Variants in RAB2A observed in about 807,000 individuals in gnomAD.
RAB2A encodes ras-related protein Rab-2A.
Under a neutral mutation model 32.5 loss-of-function variants are expected in RAB2A, and 7 were observed. The observed-to-expected ratio is 0.22, with a 90% confidence interval of 0.12 to 0.40. RAB2A has a LOEUF of 0.40. Ranked by LOEUF, RAB2A falls within the 10% of genes least tolerant of loss-of-function variation. The pLI, the probability that RAB2A is intolerant of heterozygous loss-of-function variation, is 1.00. For missense variants in RAB2A, 108 were observed against 260.7 expected, an observed-to-expected ratio of 0.41 and a Z score of 4.03; for synonymous variants, 79 against 85.2, an observed-to-expected ratio of 0.93 and a Z score of 0.40.
chr8:60,599,481 C>T (rs1804093602), intron 6 of RAB2A, among the ~76,000 whole-genome samples: 1 of 152,122 alleles, frequency 6.6e-6, no homozygotes, highest in East Asian at 1.9e-4. Context: ...GTAGCTGACA[C>T]AGCTTAGCAA....
intron 6 of RAB2A, among the ~76,000 whole-genome samples, chr8:60,597,936 ACT>A (rs34775678): frequency 0.53 from 80,906 of 151,992 alleles, 24,373 homozygotes; most frequent in African/African-American, 0.83. Context: ...AACTTAGATG[ACT>A]AATAGACCAG....
chr8:60,575,995 A>C (rs183715174), intron 3 of RAB2A, among the ~76,000 whole-genome samples: 4 of 152,134 alleles, frequency 2.6e-5, no homozygotes, highest in South Asian at 4.1e-4. Flanking sequence ...AAATTTAAGG[A>C]GTTTTCCTTG....
chr8:60,569,951 G>A (rs914537876), intron 2 of RAB2A: 36 of 456,066 alleles, frequency 7.9e-5, no homozygotes, highest in African/African-American at 7.2e-4. Context: ...TTGGAATTGG[G>A]CAGGAACAAA....
intron 1 of RAB2A, among the ~76,000 whole-genome samples, chr8:60,523,584 G>A (rs887028288): frequency 6.6e-6 from 1 of 151,852 alleles, no homozygotes; most frequent in African/African-American, 2.4e-5. Context: ...GTATTATTTA[G>A]TTTTGCCCAT....
chr8:60,584,103 T>G (rs1803809823), intron 3 of RAB2A, 105 bp from the exon 4 acceptor site: 1 of 910,718 alleles, frequency 1.1e-6, no homozygotes, highest in Non-Finnish European at 1.8e-6. Context: ...CTTGTCTCTC[T>G]TTATGCACTC....
Position 60,526,929 on chromosome 8 carries a change from A to G in RAB2A, c.46+9676A>G, listed in dbSNP as rs528059172. Among the ~76,000 whole-genome samples, 65 of 148,436 alleles carry G rather than the reference A, an allele frequency of 4.4e-4. 1 individual carries two copies. In the South Asian group the frequency reaches 0.013, roughly 29 times the overall value. Reference sequence around the variant, plus strand: ...GGTTGCAGTGAGCTGAGATGGCACCATTGCACTCCAGCCTGGGCGACAGTG... The same window carrying G: ...GGTTGCAGTGAGCTGAGATGGCACCGTTGCACTCCAGCCTGGGCGACAGTG... On this transcript the variant is annotated intron_variant, in intron 1 of 7. Coordinates refer to ENST00000262646, the MANE Select transcript of RAB2A (RefSeq NM_002865.3).
At chr8:60,536,656 A>C (rs1807563220) in intron 1 of RAB2A, among the ~76,000 whole-genome samples, 1 of 152,212 alleles carries the variant, frequency 6.6e-6, no homozygotes, top group Non-Finnish European at 1.5e-5. Context: ...TATTCTTTTA[A>C]AAACATTTCT....
At chr8:60,534,268 T>A (rs1807525185) in intron 1 of RAB2A, among the ~76,000 whole-genome samples, 1 of 152,184 alleles carries the variant, frequency 6.6e-6, no homozygotes, top group Admixed American at 6.5e-5. Context: ...CGCGGTAATC[T>A]TAGTAGGTAG....
intron 2 of RAB2A, among the ~76,000 whole-genome samples, chr8:60,559,579 TTAAGA>T (rs1330229913): frequency 2.0e-5 from 3 of 152,086 alleles, no homozygotes; most frequent in Non-Finnish European, 4.4e-5. Context: ...AAGGAAAAAA[TTAAGA>T]TGAGTGAAAA....
chr8:60,547,680 G>A (rs79661073), intron 1 of RAB2A, among the ~76,000 whole-genome samples: 1 of 119,818 alleles, frequency 8.3e-6, no homozygotes, highest in Non-Finnish European at 1.8e-5. Context: ...CCTCCCGGAC[G>A]GGGCGGCTGG....
At chr8:60,564,771 T>C (rs1461735514) in intron 2 of RAB2A, among the ~76,000 whole-genome samples, 3 of 152,188 alleles carry the variant, frequency 2.0e-5, no homozygotes, top group Non-Finnish European at 4.4e-5. Flanking sequence ...AAATAGATTT[T>C]CCCCCACCAA....
intron 6 of RAB2A, among the ~76,000 whole-genome samples, chr8:60,604,665 C>T (rs190031261): frequency 1.0e-3 from 159 of 152,266 alleles, no homozygotes; most frequent in African/African-American, 3.8e-3. Flanking sequence ...CCCTAGGGAC[C>T]TGTGGAACTT....
At chr8:60,577,231 T>C (rs1803648927) in intron 3 of RAB2A, among the ~76,000 whole-genome samples, 1 of 151,782 alleles carries the variant, frequency 6.6e-6, no homozygotes, top group East Asian at 1.9e-4. Flanking sequence ...TTTAATTTTG[T>C]AGAGATGGGA....
chr8:60,609,439 T>C (rs1423518720), intron 6 of RAB2A, among the ~76,000 whole-genome samples: 1 of 152,192 alleles, frequency 6.6e-6, no homozygotes, highest in African/African-American at 2.4e-5. Flanking sequence ...GTTTGTCATG[T>C]CGGCCCACCA....
chr8:60,524,846 C>T (rs550256328), intron 1 of RAB2A, among the ~76,000 whole-genome samples: 5 of 152,306 alleles, frequency 3.3e-5, no homozygotes, highest in South Asian at 4.1e-4. Context: ...TCTTTTTCTG[C>T]TGCCAAGTTT....
chr8:60,550,549 A>G (rs912399328), intron 1 of RAB2A, among the ~76,000 whole-genome samples: 4 of 151,706 alleles, frequency 2.6e-5, no homozygotes, highest in Non-Finnish European at 5.9e-5. Flanking sequence ...TGCCTGGCTA[A>G]GTTTTTTGTA....
In RAB2A at chr8:60,517,197, C is replaced by T. The variant is rs1468552530; in HGVS notation, c.-11C>T. 3.4e-6 allele frequency: 5 copies of T among 1,487,384 alleles called. No homozygotes were observed. The highest frequency in any genetic ancestry group is 6.0e-5 in the East Asian group (2 of 33,382). The allele number at this position is 1,487,384 out of a possible 1,614,324, so 92.1% of individuals were successfully genotyped here. A position where few individuals can be genotyped will look rare whatever the true frequency, so the allele number is the denominator to read the frequency against. ...AGGAGCCGTGTGCCCTGGCACTGAGCGGCCGCGGCCATGGCGTACGCCTAT... is the reference window on the plus strand; with the variant it reads ...AGGAGCCGTGTGCCCTGGCACTGAGTGGCCGCGGCCATGGCGTACGCCTAT... On this transcript the variant is annotated 5_prime_UTR_variant, in exon 1 of 8. Transcript: ENST00000262646.
At chr8:60,584,902 TGTGA>T (rs1192602253) in intron 5 of RAB2A, 87 bp downstream of exon 5, 47 of 923,962 alleles carry the variant, frequency 5.1e-5, no homozygotes, top group Non-Finnish European at 7.4e-5. Context: ...TTTGTTCAAA[TGTGA>T]GTTACCAGCC....
chr8:60,610,315 A>G (rs993207372), intron 6 of RAB2A, among the ~76,000 whole-genome samples: 1 of 152,218 alleles, frequency 6.6e-6, no homozygotes, highest in African/African-American at 2.4e-5. Flanking sequence ...ATTAGTAACT[A>G]GGAAGACTAC....
Sources: gnomAD v4.1 joint callset for allele counts (sites outside exome capture counted in the v4.1 genomes callset) on GRCh38, gnomAD v4.1.1 for gene constraint, MANE v1.5 for transcripts, NCBI Gene and HGNC (gene_info 2026-07-23, HGNC 2026-07-21) for gene names.